The following TULP4 variants were observed in gnomAD, a reference collection of about 807,000 sequenced individuals.
TULP4 encodes tubby-related protein 4.
TULP4 carries 16 observed loss-of-function variants against 129.0 expected under a neutral mutation model. The ratio of observed to expected loss-of-function variants is 0.12; its 90% CI spans 0.08 to 0.19. The LOEUF is 0.19. Among genes scored for constraint, TULP4 ranks in the 10% least tolerant of loss-of-function variants. TULP4 has a pLI of 1.00. For missense variants in TULP4, 1,842 were observed against 2,059.1 expected (o/e 0.89, Z 2.04); for synonymous variants, 998 against 854.0 (o/e 1.17, Z -2.94).
intron 2 of TULP4, among the ~76,000 whole-genome samples, chr6:158,415,423 C>T (rs1191973614): frequency 6.7e-6 from 1 of 149,032 alleles, no homozygotes; most frequent in African/African-American, 2.5e-5. Flanking sequence ...GATCTCAACT[C>T]ACTGCAAGCT....
At chr6:158,346,111 A>C (rs1780302751) in intron 1 of TULP4, among the ~76,000 whole-genome samples, 1 of 152,098 alleles carries the variant, frequency 6.6e-6, no homozygotes, top group Non-Finnish European at 1.5e-5. Context: ...TTGTTCCCTA[A>C]AAATTGCTGT....
chr6:158,457,693 T>C (rs1321630026), intron 5 of TULP4, among the ~76,000 whole-genome samples: 1 of 152,172 alleles, frequency 6.6e-6, no homozygotes, highest in Non-Finnish European at 1.5e-5. Context: ...GCCTTGAAAT[T>C]AAAAGCTCCA....
chr6:158,471,174 A>AGC (rs1402158275), intron 6 of TULP4, among the ~76,000 whole-genome samples: 7 of 151,498 alleles, frequency 4.6e-5, no homozygotes, highest in Non-Finnish European at 1.0e-4. Context: ...AGGGAGCCAA[A>AGC]GCACACACAC....
intron 1 of TULP4, among the ~76,000 whole-genome samples, chr6:158,271,471 C>T (rs542766894): frequency 1.3e-5 from 2 of 150,868 alleles, no homozygotes; most frequent in African/African-American, 2.4e-5. Flanking sequence ...TCTTGCTCTG[C>T]CACCCAGGCT....
upstream of TULP4, among the ~76,000 whole-genome samples, chr6:158,307,604 C>A (rs541639000): frequency 7.2e-5 from 11 of 152,302 alleles, no homozygotes; most frequent in African/African-American, 2.4e-4. Flanking sequence ...GCCTCAGCCT[C>A]CTGAGTAGCT....
intron 12 of TULP4, among the ~76,000 whole-genome samples, chr6:158,500,652 T>C (rs576224680): frequency 2.0e-5 from 3 of 152,200 alleles, no homozygotes; most frequent in Non-Finnish European, 4.4e-5. Flanking sequence ...TGAGCACCTG[T>C]CTGTAGATCG....
intron 6 of TULP4, among the ~76,000 whole-genome samples, chr6:158,478,796 CTTTGGATTTT>C (rs1255344168): frequency 6.6e-6 from 1 of 152,182 alleles, no homozygotes; most frequent in African/African-American, 2.4e-5. Flanking sequence ...CACCCCTGAG[CTTTGGATTTT>C]TTTTTATTAT....
chr6:158,237,490 C>T lies in TULP4; in HGVS notation n.68+5187C>T, dbSNP rs1243504736. ...GCCAGGTCTTGGGGAGGTGGGTGGG[C>T]TACTCACAGTTTTTCTGGCATCCAG... On this transcript the variant is annotated intron_variant and non_coding_transcript_variant, in intron 1 of 1. Transcript: ENST00000620026. The T allele has an allele frequency of 1.9e-6, 3 of 1,540,620 alleles. No individual in the cohort carries two copies. In the African/African-American group the frequency reaches 4.1e-5, roughly 21 times the overall value.
At chr6:158,477,283 A>G (rs62438595) in intron 6 of TULP4, among the ~76,000 whole-genome samples, 51 of 152,292 alleles carry the variant, frequency 3.3e-4, no homozygotes, top group Non-Finnish European at 6.6e-4. Context: ...TGAAAAGCAG[A>G]ACTAGGAGGG....
chr6:158,490,624 G>A (rs1780178526), intron 9 of TULP4, among the ~76,000 whole-genome samples: 1 of 152,250 alleles, frequency 6.6e-6, no homozygotes, highest in South Asian at 2.1e-4. Flanking sequence ...CTTCCCCCAA[G>A]TTCAAGATAA....
rs528614044 is a variant in TULP4 at position 158,363,182 on chromosome 6, A to G, written c.252+48914A>G. Among the ~76,000 whole-genome samples the G allele has an allele frequency of 2.0e-3, 301 of 152,172 alleles. 2 individuals are homozygous for G. Among genetic ancestry groups the G allele is most frequent in the African/African-American group, 6.9e-3 (285 of 41,502 alleles). ...TCCCTGTTCTATCACATAAAAAACTATAGAACCTTCTCTTGCTGGCTGTGT... is the reference window on the plus strand; with the variant it reads ...TCCCTGTTCTATCACATAAAAAACTGTAGAACCTTCTCTTGCTGGCTGTGT... On this transcript the variant is annotated intron_variant, in intron 1 of 13. Coordinates refer to ENST00000367097, the MANE Select transcript of TULP4 (RefSeq NM_020245.5).
At chr6:158,355,054 A>C (rs534857137) in intron 1 of TULP4, among the ~76,000 whole-genome samples, 1 of 152,142 alleles carries the variant, frequency 6.6e-6, no homozygotes, top group African/African-American at 2.4e-5. Context: ...AATTATAAGC[A>C]GAAGTTTTTT....
intron 1 of TULP4, among the ~76,000 whole-genome samples, chr6:158,307,336 A>G (rs1779231522): frequency 2.6e-5 from 4 of 152,214 alleles, no homozygotes; most frequent in African/African-American, 4.8e-5. Flanking sequence ...TCAGATAATC[A>G]TGGATGTTTT....
chr6:158,429,545 T>A (rs1211104877), intron 2 of TULP4, among the ~76,000 whole-genome samples, 191 bp from the exon 3 acceptor site: 3 of 152,210 alleles, frequency 2.0e-5, no homozygotes, highest in African/African-American at 7.2e-5. Flanking sequence ...TTCCCAGCAT[T>A]CTGGGTTTAC....
intron 1 of TULP4, among the ~76,000 whole-genome samples, chr6:158,357,820 T>A (rs904583672): frequency 6.6e-6 from 1 of 151,930 alleles, no homozygotes; most frequent in Non-Finnish European, 1.5e-5. Context: ...CACCTCTTAA[T>A]TTTTTTTCTT....
chr6:158,364,790 G>C (rs1252656852), intron 1 of TULP4, among the ~76,000 whole-genome samples: 1 of 151,918 alleles, frequency 6.6e-6, no homozygotes, highest in Non-Finnish European at 1.5e-5. Flanking sequence ...AGGCTGGAGT[G>C]CAGTGGCGTG....
intron 1 of TULP4, among the ~76,000 whole-genome samples, chr6:158,325,767 C>G (rs760866101): frequency 1.4e-5 from 2 of 145,972 alleles, no homozygotes; most frequent in Non-Finnish European, 3.1e-5. Context: ...TTTCATTTCA[C>G]CTAAACTGGC....
rs551238006 is a variant in TULP4, at chr6:158,482,910, C to T, written c.1486+1621C>T. 1.2e-3 allele frequency among the ~76,000 whole-genome samples: 185 copies of T among 152,354 alleles called. 2 individuals are homozygous for T. The highest frequency in any genetic ancestry group is 4.4e-3 in the African/African-American group (182 of 41,588). On this transcript the variant is annotated intron_variant, in intron 8 of 13. Coordinates refer to ENST00000367097, the MANE Select transcript of TULP4 (RefSeq NM_020245.5). ...GACCCGACTACGCCAAATGCCTGCT[C>T]TTCCTTCCGGTTCATGTTTATCAGC...
chr6:158,485,068 A>C (rs1384589071), intron 8 of TULP4, among the ~76,000 whole-genome samples: 1 of 152,212 alleles, frequency 6.6e-6, no homozygotes, highest in Non-Finnish European at 1.5e-5. Context: ...GTTGGAAATG[A>C]GGAACATACT....
Sources: allele counts gnomAD v4.1 joint callset (sites outside exome capture counted in the v4.1 genomes callset), GRCh38; gene constraint gnomAD v4.1.1; transcripts MANE v1.5; gene names NCBI Gene and HGNC (gene_info 2026-07-23, HGNC 2026-07-21).